The following EBF2 variants were observed in gnomAD, a reference collection of about 807,000 sequenced individuals.
EBF2 encodes transcription factor COE2.
In EBF2, 21 loss-of-function variants were observed where a neutral mutation model predicts 72.8. The observed-to-expected ratio is 0.29, with a 90% CI of 0.20 to 0.42. The LOEUF (loss-of-function observed/expected upper bound fraction) is 0.42. Among genes scored for constraint, EBF2 ranks in the 10% least tolerant of loss-of-function variants. EBF2 has a pLI of 1.00. For synonymous variants in EBF2, 299 were observed against 274.2 expected (o/e 1.09, Z -0.89); for missense variants, 637 against 731.2 (o/e 0.87, Z 1.49).
intron 6 of EBF2, among the ~76,000 whole-genome samples, chr8:25,962,940 C>A (rs904049809): frequency 5.3e-5 from 8 of 152,222 alleles, no homozygotes; most frequent in Admixed American, 3.3e-4. Flanking sequence ...CCTCGCATTA[C>A]AAAGTGGCTG....
chr8:25,920,583 C>T (rs1263144505), intron 6 of EBF2, among the ~76,000 whole-genome samples: 1 of 152,158 alleles, frequency 6.6e-6, no homozygotes, highest in Non-Finnish European at 1.5e-5. Context: ...GCGATTGTGA[C>T]CCACGCAGAG....
chr8:25,918,270 T>C (rs1488865127), intron 6 of EBF2, among the ~76,000 whole-genome samples: 1 of 152,230 alleles, frequency 6.6e-6, no homozygotes. Context: ...TGTTATATTC[T>C]TATGACAGAT....
chr8:26,011,167 A>G (rs540673770), intron 6 of EBF2, among the ~76,000 whole-genome samples: 2 of 152,300 alleles, frequency 1.3e-5, no homozygotes, highest in East Asian at 3.9e-4. Flanking sequence ...GCATCCCAGT[A>G]ACTTGGGGTT....
At chr8:25,922,605 A>G (rs548228983) in intron 6 of EBF2, among the ~76,000 whole-genome samples, 3 of 152,346 alleles carry the variant, frequency 2.0e-5, no homozygotes, top group Admixed American at 1.3e-4. Flanking sequence ...TCACATCCAT[A>G]TATTTCATAA....
chr8:25,939,615 T>C (rs1168213760), intron 6 of EBF2, among the ~76,000 whole-genome samples: 5 of 152,228 alleles, frequency 3.3e-5, no homozygotes, highest in Non-Finnish European at 5.9e-5. Flanking sequence ...ACTATTTCTG[T>C]GTGGCTCAGG....
chr8:25,917,607 C>A (rs921074405), intron 6 of EBF2, among the ~76,000 whole-genome samples: 1 of 152,216 alleles, frequency 6.6e-6, no homozygotes, highest in Non-Finnish European at 1.5e-5. Context: ...AGAAAAAAAT[C>A]TTTCCGTGAG....
chr8:25,971,455 G>A (rs1050279550), intron 6 of EBF2, among the ~76,000 whole-genome samples: 15 of 151,954 alleles, frequency 9.9e-5, no homozygotes, highest in African/African-American at 2.7e-4. Context: ...CCCCGCCCCC[G>A]AAAAAAAGAC....
intron 6 of EBF2, among the ~76,000 whole-genome samples, chr8:25,960,741 A>G (rs1387004200): frequency 5.9e-5 from 9 of 152,206 alleles, no homozygotes; most frequent in Non-Finnish European, 1.2e-4. Context: ...AAGCCTCAAG[A>G]GATGGAGCTG....
At chr8:25,847,113 G>A (rs1585254352) in intron 15 of EBF2, among the ~76,000 whole-genome samples, 1 of 152,146 alleles carries the variant, frequency 6.6e-6, no homozygotes, top group African/African-American at 2.4e-5. Context: ...ACTAAGAATG[G>A]TGATAATGGC....
intron 7 of EBF2, among the ~76,000 whole-genome samples, chr8:25,905,087 T>C (rs1227792576): frequency 6.6e-6 from 1 of 152,138 alleles, no homozygotes; most frequent in Non-Finnish European, 1.5e-5. Flanking sequence ...AATAAGCACA[T>C]GAAAAGATGC....
At chr8:26,008,901 G>A (rs1034352898) in intron 6 of EBF2, among the ~76,000 whole-genome samples, 1 of 149,956 alleles carries the variant, frequency 6.7e-6, no homozygotes, top group Non-Finnish European at 1.5e-5. Flanking sequence ...CACATGCTAT[G>A]TGTGTGTAAA....
rs927667677 is a variant in EBF2 at position 26,028,756 on chromosome 8, G to A, written c.551+4329C>T. Among the ~76,000 whole-genome samples, 12 of 152,276 alleles carry A rather than the reference G, an allele frequency of 7.9e-5. No homozygotes were observed. The South Asian group carries it at 2.5e-3, about 32-fold the overall frequency. ...GCCTTTTATTTTTATTTACCACACA[G>A]GCCTTTATAGACAAGAGCTCAGCTG... On this transcript the variant is annotated intron_variant, in intron 6 of 15. Transcript: ENST00000520164.
In EBF2 at chr8:26,013,991, A is replaced by G. The variant is rs180753241; in HGVS notation, c.551+19094T>C. On this transcript the variant is annotated intron_variant, in intron 6 of 15. Transcript: ENST00000520164. ...CCACCAAAACCCAAGCTCTTCCAAA[A>G]GAGTCCAAAGCCCTCGTCTGTTTCC... Among the ~76,000 whole-genome samples, 86 of 152,358 alleles carry G rather than the reference A, an allele frequency of 5.6e-4. 1 individual carries two copies. The highest frequency in any genetic ancestry group is 5.1e-3 in the Admixed American group (78 of 15,306).
intron 6 of EBF2, among the ~76,000 whole-genome samples, chr8:26,025,090 A>T (rs531584775): frequency 6.6e-6 from 1 of 152,238 alleles, no homozygotes; most frequent in South Asian, 2.1e-4. Context: ...TGAAAAAGGG[A>T]TAGGATTTAT....
chr8:25,983,942 A>G (rs1395583017), intron 6 of EBF2, among the ~76,000 whole-genome samples: 2 of 151,838 alleles, frequency 1.3e-5, no homozygotes, highest in East Asian at 2.0e-4. Flanking sequence ...CTGCTTCCCA[A>G]AAAATTACAA....
At chr8:25,897,131 G>A (rs943451124) in intron 7 of EBF2, among the ~76,000 whole-genome samples, 2 of 152,162 alleles carry the variant, frequency 1.3e-5, no homozygotes, top group African/African-American at 4.8e-5. Context: ...CATAGAGACA[G>A]ATGTGGGAGG....
chr8:26,033,150 T>G lies in EBF2; in HGVS notation c.486A>C (p.Arg162=), dbSNP rs1805436518. ...TTCCACAGCTTTTCTTTTCGCAGCA[T>G]CGACTGTAGATTGGGAAGGAACCAA... ...VLLTHEVMCS[R]CCEKKSCGNR... Residue 162 remains arginine, a synonymous_variant, in exon 6 of 16, where the codon CGA becomes CGC. Coordinates refer to ENST00000520164, the MANE Select transcript of EBF2 (RefSeq NM_022659.4). The G allele has an allele frequency of 6.2e-7, 1 of 1,614,010 alleles. No individual in the cohort carries two copies. Among genetic ancestry groups the G allele is most frequent in the South Asian group, 1.1e-5 (1 of 91,080 alleles).
At chr8:25,896,021 T>C (rs1270153409) in intron 7 of EBF2, among the ~76,000 whole-genome samples, 1 of 152,144 alleles carries the variant, frequency 6.6e-6, no homozygotes, top group Non-Finnish European at 1.5e-5. Context: ...GCCAAAGGAA[T>C]GGCCAGTTGG....
rs1801749149 is a variant in EBF2, at chr8:25,841,809, A to G, written c.*2800T>C. On this transcript the variant is annotated 3_prime_UTR_variant, in exon 16 of 16. Coordinates refer to ENST00000520164, the MANE Select transcript of EBF2 (RefSeq NM_022659.4). Reference sequence around the variant, plus strand: ...TAGACATATTCATTTTACAAACAAGATATTCTTTAAGTAAGACCATTAAAA... The same window carrying G: ...TAGACATATTCATTTTACAAACAAGGTATTCTTTAAGTAAGACCATTAAAA... 1 of 152,206 alleles carries G rather than the reference A, an allele frequency of 6.6e-6. No homozygotes were observed. The highest frequency in any genetic ancestry group is 1.5e-5 in the Non-Finnish European group (1 of 68,028). The allele number at this position is 152,206 out of a possible 1,614,324, so 9.4% of individuals were successfully genotyped here.
Sources: gnomAD v4.1 joint callset for allele counts (sites outside exome capture counted in the v4.1 genomes callset) on GRCh38, gnomAD v4.1.1 for gene constraint, MANE v1.5 for transcripts, NCBI Gene and HGNC (gene_info 2026-07-23, HGNC 2026-07-21) for gene names.